The following PCDH15 variants were observed in gnomAD, a reference collection of about 807,000 sequenced individuals.
The protein encoded by PCDH15 is protocadherin related 15.
A neutral mutation model predicts 178.5 loss-of-function variants in PCDH15; 129 were observed. That is an observed-to-expected ratio of 0.72 (90% CI 0.63 to 0.84). The LOEUF (loss-of-function observed/expected upper bound fraction) is 0.84, where lower values mean the gene tolerates loss of function less well. Among genes scored for constraint, PCDH15 ranks in the 40% least tolerant of loss-of-function variants. The pLI is 0.00. For missense variants in PCDH15, 2,230 were observed against 2,099.9 expected, an observed-to-expected ratio of 1.06 and a Z score of -1.21; for synonymous variants, 800 against 732.0, an observed-to-expected ratio of 1.09 and a Z score of -1.50.
At chr10:55,010,516 G>A (rs920415304) in intron 2 of PCDH15, among the ~76,000 whole-genome samples, 4 of 152,110 alleles carry the variant, frequency 2.6e-5, no homozygotes, top group African/African-American at 7.2e-5. Flanking sequence ...TGAATAGGTC[G>A]CTGAGGCACT....
At chr10:54,681,391 G>T (rs7911634) in intron 1 of PCDH15, among the ~76,000 whole-genome samples, 7,855 of 152,144 alleles carry the variant, frequency 0.052, 242 homozygotes, top group East Asian at 0.1. Flanking sequence ...TACAAAGAGA[G>T]AAAAAATCAG....
intron 2 of PCDH15, among the ~76,000 whole-genome samples, chr10:55,077,456 C>CT (rs1437757292): frequency 1.4e-5 from 2 of 139,828 alleles, no homozygotes; most frequent in African/African-American, 2.9e-5. Flanking sequence ...CCTTCCCTTC[C>CT]TTCCTTCCTT....
At chr10:54,326,676 G>A (rs1376862825) in intron 7 of PCDH15, among the ~76,000 whole-genome samples, 1 of 152,016 alleles carries the variant, frequency 6.6e-6, no homozygotes, top group Non-Finnish European at 1.5e-5. Context: ...TTTGAACTCA[G>A]GTGACATAAT....
At chr10:55,319,114 C>G (rs1843815958) in intron 1 of PCDH15, among the ~76,000 whole-genome samples, 1 of 151,964 alleles carries the variant, frequency 6.6e-6, no homozygotes, top group Admixed American at 6.6e-5. Context: ...AATTTCAATC[C>G]TGCCATCAAA....
chr10:55,509,173 G>A (rs575682361), intron 2 of PCDH15, among the ~76,000 whole-genome samples: 5 of 151,666 alleles, frequency 3.3e-5, no homozygotes, highest in East Asian at 3.9e-4. Context: ...GGGCTGATTC[G>A]GAAATAAAAT....
intron 18 of PCDH15, among the ~76,000 whole-genome samples, chr10:54,031,851 T>A (rs2093303914): frequency 6.6e-6 from 1 of 152,106 alleles, no homozygotes. Context: ...TGTTTCATGT[T>A]CATTAAATGT....
At chr10:55,476,087 T>C (rs1840057061) in intron 2 of PCDH15, among the ~76,000 whole-genome samples, 7 of 152,122 alleles carry the variant, frequency 4.6e-5, no homozygotes, top group Admixed American at 3.9e-4. Flanking sequence ...AGAACTTTGC[T>C]TGGTTCACTG....
chr10:54,861,940 C>G (rs112944788), intron 3 of PCDH15, among the ~76,000 whole-genome samples: 1 of 152,102 alleles, frequency 6.6e-6, no homozygotes, highest in African/African-American at 2.4e-5. Flanking sequence ...GGTAAATACA[C>G]CTTCAGTTAA....
At chr10:54,236,334 A>G (rs1185492700) in intron 9 of PCDH15, among the ~76,000 whole-genome samples, 3 of 152,126 alleles carry the variant, frequency 2.0e-5, no homozygotes, top group African/African-American at 7.2e-5. Flanking sequence ...AATATTTACC[A>G]AAGGTTAATA....
At chr10:55,315,573 T>C in intron 1 of PCDH15, among the ~76,000 whole-genome samples, 1 of 152,208 alleles carries the variant, frequency 6.6e-6, no homozygotes, top group Admixed American at 6.5e-5. Context: ...GGTCATACTT[T>C]TTATTCCACC....
intron 2 of PCDH15, among the ~76,000 whole-genome samples, chr10:55,493,198 G>A (rs1371686082): frequency 6.6e-6 from 1 of 150,998 alleles, no homozygotes; most frequent in South Asian, 2.1e-4. Flanking sequence ...GAAGCACAAT[G>A]AACACTAGGT....
intron 2 of PCDH15, among the ~76,000 whole-genome samples, chr10:55,577,278 G>T (rs1842515116): frequency 6.6e-6 from 1 of 151,764 alleles, no homozygotes; most frequent in Non-Finnish European, 1.5e-5. Context: ...GAAGTGATTT[G>T]AATTCATATT....
intron 13 of PCDH15, among the ~76,000 whole-genome samples, chr10:54,178,013 C>T (rs1457939794): frequency 6.6e-6 from 1 of 151,834 alleles, no homozygotes; most frequent in East Asian, 1.9e-4. Flanking sequence ...AACTTGAGAA[C>T]AGATGAAAAA....
chr10:54,062,191 C>CCAT (rs1202922918), intron 18 of PCDH15, among the ~76,000 whole-genome samples: 1 of 134,550 alleles, frequency 7.4e-6, no homozygotes, highest in South Asian at 2.4e-4. Flanking sequence ...CCATTGCACT[C>CCAT]CATCCAGCCT....
At chr10:54,495,525 G>A (rs961594601) in intron 3 of PCDH15, among the ~76,000 whole-genome samples, 1 of 152,126 alleles carries the variant, frequency 6.6e-6, no homozygotes, top group Non-Finnish European at 1.5e-5. Context: ...AAGTTTAAGA[G>A]TAGCATTCAG....
chr10:55,538,613 T>G (rs1180672846), intron 2 of PCDH15, among the ~76,000 whole-genome samples: 1 of 66,460 alleles, frequency 1.5e-5, no homozygotes, highest in Non-Finnish European at 2.8e-5. Flanking sequence ...TTTCCTTCCT[T>G]CCTTCCTCCT....
At chr10:53,815,805 T>C (rs1008497138) in intron 35 of PCDH15, among the ~76,000 whole-genome samples, 2 of 152,102 alleles carry the variant, frequency 1.3e-5, no homozygotes, top group Admixed American at 1.3e-4. Flanking sequence ...TGGTAATATA[T>C]GTGTCCAAAA....
intron 1 of PCDH15, among the ~76,000 whole-genome samples, chr10:55,217,953 A>T (rs1446999962): frequency 6.6e-6 from 1 of 152,010 alleles, no homozygotes; most frequent in Non-Finnish European, 1.5e-5. Flanking sequence ...TACAGATTTT[A>T]AAAAATGCTT....
intron 2 of PCDH15, among the ~76,000 whole-genome samples, chr10:54,563,782 A>T (rs2088584607): frequency 6.6e-6 from 1 of 152,178 alleles, no homozygotes; most frequent in Admixed American, 6.6e-5. Flanking sequence ...ATATTGTGGT[A>T]ATAAGAAAAG....
Sources: allele counts gnomAD v4.1 joint callset (sites outside exome capture counted in the v4.1 genomes callset), GRCh38; gene constraint gnomAD v4.1.1; transcripts MANE v1.5; gene names NCBI Gene and HGNC (gene_info 2026-07-23, HGNC 2026-07-21).